Variants in DIAPH2 observed in about 807,000 individuals in gnomAD.
DIAPH2 encodes the protein diaphanous related formin 2, also known as protein diaphanous homolog 2.
In DIAPH2, 35 loss-of-function variants were observed where a neutral mutation model predicts 92.7. The ratio of observed to expected loss-of-function variants is 0.38; its 90% CI spans 0.29 to 0.50. The LOEUF is 0.50. Among genes scored for constraint, DIAPH2 ranks in the 20% least tolerant of loss-of-function variants. DIAPH2 has a pLI of 0.94. For missense variants in DIAPH2, 701 were observed against 819.5 expected (o/e 0.86, Z 1.77); for synonymous variants, 301 against 280.4 (o/e 1.07, Z -0.73).
intron 26 of DIAPH2, among the ~76,000 whole-genome samples, chrX:97,578,741 G>A (rs1296581914): frequency 2.0e-5 from 1 of 50,471 alleles, no homozygotes; most frequent in Non-Finnish European, 3.7e-5. Flanking sequence ...CTGAGGAATC[G>A]CCACACTGAC....
intron 24 of DIAPH2, among the ~76,000 whole-genome samples, chrX:97,368,893 C>A (rs1472025338): frequency 5.4e-5 from 3 of 56,049 alleles, no homozygotes; most frequent in Non-Finnish European, 1.0e-4. Context: ...ACAGAGTCTA[C>A]CCTTTCTTTT....
At chrX:96,785,553 C>CT (rs2064449598) in intron 4 of DIAPH2, among the ~76,000 whole-genome samples, 1 of 49 alleles carries the variant, frequency 0.02, no homozygotes, top group Admixed American at 0.12. Flanking sequence ...CTGCAATCTG[C>CT]GCTCGCCTCC....
In DIAPH2 at chrX:97,185,393, G is replaced by GTATATATA. The variant is rs1569323111; in HGVS notation, c.2719+43600_2719+43601insATATATAT. 3.9e-3 allele frequency among the ~76,000 whole-genome samples: 59 copies of GTATATATA among 15,053 alleles called. 2 individuals carry two copies. The highest frequency in any genetic ancestry group is 0.014 in the African/African-American group (25 of 1,788). 13.1% of individuals were successfully genotyped at this position (15,053 alleles called of 115,157 possible). On this transcript the variant is annotated intron_variant, in intron 22 of 26. Transcript: ENST00000324765. Reference sequence around the variant, plus strand: ...TGTATATATATATGTATATATATATGTGTATATATATATATATGTATATAT... The same window carrying GTATATATA: ...TGTATATATATATGTATATATATATGTATATATATGTATATATATATATATGTATATAT...
At chrX:96,738,971 T>A (rs889364505) in intron 3 of DIAPH2, among the ~76,000 whole-genome samples, 1 of 111,421 alleles carries the variant, frequency 9.0e-6, no homozygotes, top group Non-Finnish European at 1.9e-5. Flanking sequence ...TCTTCCACTG[T>A]GAGCTCCTAA....
intron 19 of DIAPH2, among the ~76,000 whole-genome samples, chrX:97,089,888 C>T (rs1367321996): frequency 1.8e-5 from 2 of 110,305 alleles, no homozygotes; most frequent in South Asian, 3.9e-4. Flanking sequence ...CCACCATGCC[C>T]GGCTAATTTT....
At chrX:97,597,038 T>C (rs2071556831) in intron 26 of DIAPH2, among the ~76,000 whole-genome samples, 1 of 112,392 alleles carries the variant, frequency 8.9e-6, no homozygotes, top group Non-Finnish European at 1.9e-5. Flanking sequence ...CCATTGCTGC[T>C]ATTGTTTCTA....
intron 21 of DIAPH2, among the ~76,000 whole-genome samples, chrX:97,138,814 T>C (rs572738934): frequency 1.8e-5 from 2 of 111,340 alleles, no homozygotes; most frequent in African/African-American, 6.5e-5. Context: ...CTGTCATGGC[T>C]GGAGAGAGGA....
chrX:97,545,547 T>A (rs1282412755), intron 26 of DIAPH2, among the ~76,000 whole-genome samples: 1 of 103,078 alleles, frequency 9.7e-6, no homozygotes, highest in African/African-American at 3.5e-5. Flanking sequence ...TATATATATA[T>A]ATATATATAT....
intron 1 of DIAPH2, among the ~76,000 whole-genome samples, chrX:96,725,128 TA>T (rs1314047129): frequency 8.9e-6 from 1 of 112,076 alleles, no homozygotes; most frequent in East Asian, 2.8e-4. Flanking sequence ...TCATAAAAAG[TA>T]AAAAAATTAA....
At chrX:97,364,717 C>T (rs184238436) in intron 24 of DIAPH2, among the ~76,000 whole-genome samples, 3 of 106,167 alleles carry the variant, frequency 2.8e-5, no homozygotes, top group African/African-American at 6.9e-5. Flanking sequence ...ATAATAAAGG[C>T]GGGATTTCTT....
At chrX:96,775,446 T>C (rs989053464) in intron 4 of DIAPH2, among the ~76,000 whole-genome samples, 1 of 108,459 alleles carries the variant, frequency 9.2e-6, no homozygotes, top group Non-Finnish European at 1.9e-5. Context: ...TGTTATTTTT[T>C]TGTTATACAG....
At chrX:96,951,481 G>A (rs1352964024) in intron 15 of DIAPH2, among the ~76,000 whole-genome samples, 2 of 110,266 alleles carry the variant, frequency 1.8e-5, no homozygotes, top group African/African-American at 3.3e-5. Flanking sequence ...GGCCTTTACC[G>A]CACAGTGAGT....
At chrX:97,283,581 A>G (rs371519138) in intron 23 of DIAPH2, among the ~76,000 whole-genome samples, 1 of 112,468 alleles carries the variant, frequency 8.9e-6, no homozygotes, top group African/African-American at 3.2e-5. Flanking sequence ...CTACACATTT[A>G]TGCTTATATG....
At chrX:96,824,682 C>T (rs1396145293) in intron 4 of DIAPH2, among the ~76,000 whole-genome samples, 1 of 111,221 alleles carries the variant, frequency 9.0e-6, no homozygotes, top group East Asian at 2.8e-4. Context: ...AAGAAAATGT[C>T]ATTTGATTTG....
intron 26 of DIAPH2, among the ~76,000 whole-genome samples, chrX:97,559,826 C>T (rs2071281836): frequency 8.9e-6 from 1 of 112,066 alleles, no homozygotes; most frequent in South Asian, 3.7e-4. Flanking sequence ...GTCTGACTTC[C>T]AGCCCCAATT....
At chrX:96,954,717 A>G (rs1389944281) in intron 15 of DIAPH2, among the ~76,000 whole-genome samples, 1 of 112,583 alleles carries the variant, frequency 8.9e-6, no homozygotes, top group East Asian at 2.8e-4. Context: ...TAAAGGTGAG[A>G]TAATAATGCC....
chrX:96,774,984 A>G (rs993304033), intron 4 of DIAPH2, among the ~76,000 whole-genome samples: 6 of 112,461 alleles, frequency 5.3e-5, no homozygotes, highest in Admixed American at 3.8e-4. Flanking sequence ...TAGTTATTTT[A>G]TAATGCTTCT....
At chrX:96,686,630 A>G (rs2063772630) in intron 1 of DIAPH2, among the ~76,000 whole-genome samples, 1 of 111,805 alleles carries the variant, frequency 8.9e-6, no homozygotes, top group East Asian at 2.8e-4. Flanking sequence ...TGAATCCAAG[A>G]GTTTGTTAAT....
At chrX:97,509,012 GTTATTTATTTATTTAT>G (rs56002860) in intron 26 of DIAPH2, among the ~76,000 whole-genome samples, 3,169 of 90,403 alleles carry the variant, frequency 0.035, 136 homozygotes, top group African/African-American at 0.12. Context: ...AGCATACAAA[GTTATTTATTTATTTAT>G]TTATTTATTT....
Sources: allele counts gnomAD v4.1 joint callset (sites outside exome capture counted in the v4.1 genomes callset), GRCh38; gene constraint gnomAD v4.1.1; transcripts MANE v1.5; gene names NCBI Gene and HGNC (gene_info 2026-07-23, HGNC 2026-07-21).